The following GADL1 variants were observed in gnomAD, a reference collection of about 807,000 sequenced individuals.
The protein encoded by GADL1 is GAD like acidic amino acid decarboxylase 1, also known as acidic amino acid decarboxylase GADL1.
A neutral mutation model predicts 69.5 loss-of-function variants in GADL1; 71 were observed. The observed-to-expected ratio is 1.02, with a 90% CI of 0.84 to 1.25. The LOEUF is 1.25. GADL1 is among the 50% of genes most tolerant of loss of function. GADL1 has a pLI of 0.00. For missense variants in GADL1, 737 were observed against 631.8 expected, an observed-to-expected ratio of 1.17 and a Z score of -1.79; for synonymous variants, 254 against 214.4, an observed-to-expected ratio of 1.18 and a Z score of -1.62.
chr3:30,795,243 A>G (rs1411294793), intron 12 of GADL1, among the ~76,000 whole-genome samples: 1 of 152,152 alleles, frequency 6.6e-6, no homozygotes. Flanking sequence ...AGTGGGCTTC[A>G]TGGGAAATAT....
chr3:30,886,454 A>G (rs959177252), intron 1 of GADL1, among the ~76,000 whole-genome samples: 1 of 152,156 alleles, frequency 6.6e-6, no homozygotes, highest in South Asian at 2.1e-4. Flanking sequence ...TGCATTATAA[A>G]GAACAAACTA....
chr3:30,815,487 T>G (rs1230982587), intron 11 of GADL1, among the ~76,000 whole-genome samples: 1 of 152,174 alleles, frequency 6.6e-6, no homozygotes, highest in East Asian at 1.9e-4. Context: ...ACCAGATGTA[T>G]TTAGAACAAC....
intron 3 of GADL1, 30 bp from the exon 4 acceptor site, chr3:30,854,819 T>G: frequency 8.3e-7 from 1 of 1,204,088 alleles, no homozygotes; most frequent in East Asian, 2.5e-5. Context: ...TATTCATCTA[T>G]GCAGCAATAA....
chr3:30,752,430 G>A (rs115267675), intron 14 of GADL1, among the ~76,000 whole-genome samples: 361 of 150,078 alleles, frequency 2.4e-3, no homozygotes, highest in African/African-American at 8.9e-3. Flanking sequence ...TAACAATGGA[G>A]TCTGTGCCGC....
chr3:30,752,226 T>C (rs58665788), intron 14 of GADL1, among the ~76,000 whole-genome samples: 14,160 of 152,112 alleles, frequency 0.093, 1,831 homozygotes, highest in African/African-American at 0.29. Context: ...AGCTTTTCCT[T>C]TTAAACTTAA....
At chr3:30,819,595 C>T (rs1033034322) in intron 11 of GADL1, among the ~76,000 whole-genome samples, 5 of 152,148 alleles carry the variant, frequency 3.3e-5, no homozygotes, top group South Asian at 2.1e-4. Flanking sequence ...TGAGCCAAAA[C>T]TGCCCTCAAA....
chr3:30,799,583 TGAG>T (rs1697119138), intron 12 of GADL1: 1 of 152,210 alleles, frequency 6.6e-6, no homozygotes, highest in African/African-American at 2.4e-5. Context: ...CCTATTGTCT[TGAG>T]GATTATCATT....
rs1170062701 is a variant in GADL1, at chr3:30,728,257, C to A, written c.1551G>T (p.Leu517=). ...AAAGCCACAGCTACATGTCTTTACC[C>A]AGTAAGTCTATCTCATCCAGGAGGA... The part of the protein sequence containing the change: ...MDFLLDEIDL[L]GKDM The change falls in exon 15 of 15, where the codon CTG becomes CTT. Residue 517 remains leucine (L), a synonymous_variant. Transcript: ENST00000282538. 1.9e-6 allele frequency: 3 copies of A among 1,613,590 alleles called. No homozygotes were observed. Among genetic ancestry groups the A allele is most frequent in the Non-Finnish European group, 2.5e-6 (3 of 1,179,716 alleles).
chr3:30,890,258 T>C (rs1170689848), intron 1 of GADL1, among the ~76,000 whole-genome samples: 6 of 152,236 alleles, frequency 3.9e-5, no homozygotes, highest in Admixed American at 3.3e-4. Context: ...AAATCATTCA[T>C]GTATGAGTTT....
intron 14 of GADL1, among the ~76,000 whole-genome samples, chr3:30,770,047 C>T (rs1447605720): frequency 8.4e-6 from 1 of 118,382 alleles, no homozygotes; most frequent in Admixed American, 7.8e-5. Flanking sequence ...TAAGACCCGG[C>T]AACCCTGGCC....
chr3:30,738,663 T>A (rs1307521872), intron 14 of GADL1, among the ~76,000 whole-genome samples: 3 of 152,130 alleles, frequency 2.0e-5, no homozygotes, highest in Non-Finnish European at 4.4e-5. Context: ...CTTCTTTAGG[T>A]TCTATGGGCA....
chr3:30,771,037 C>T (rs1437685961), intron 14 of GADL1, among the ~76,000 whole-genome samples: 1 of 152,220 alleles, frequency 6.6e-6, no homozygotes, highest in Non-Finnish European at 1.5e-5. Context: ...TCATCATGAA[C>T]TTCCCGTTAA....
Position 30,850,830 on chromosome 3 carries a change from C to G in GADL1, c.535+5G>C, listed in dbSNP as rs1340142899. On this transcript the variant is annotated splice_donor_5th_base_variant and intron_variant, in intron 5 of 14. Transcript: ENST00000282538. ...AGGTTGATATCAATAACTAATTGTA[C>G]TCACCTGGGTTAAATATTCCATCCC... 1 of 1,503,094 alleles carries G rather than the reference C, an allele frequency of 6.7e-7. No homozygotes were observed. The highest frequency in any genetic ancestry group is 2.0e-5 in the Admixed American group (1 of 50,788). 93.1% of individuals were successfully genotyped at this position (1,503,094 alleles called of 1,614,324 possible).
At chr3:30,888,193 G>A (rs1698734819) in intron 1 of GADL1, among the ~76,000 whole-genome samples, 1 of 152,102 alleles carries the variant, frequency 6.6e-6, no homozygotes, top group African/African-American at 2.4e-5. Flanking sequence ...CTGCAGCTAG[G>A]AAGGGCCAAC....
chr3:30,772,179 T>C (rs187982545), intron 14 of GADL1, among the ~76,000 whole-genome samples: 27 of 152,300 alleles, frequency 1.8e-4, no homozygotes, highest in Non-Finnish European at 2.4e-4. Flanking sequence ...TCAAGTAGAT[T>C]TTAAGATTTA....
chr3:30,884,738 A>G (rs1399509530), intron 1 of GADL1, among the ~76,000 whole-genome samples: 2 of 152,092 alleles, frequency 1.3e-5, no homozygotes, highest in African/African-American at 4.8e-5. Context: ...AATCTTTATT[A>G]AAAATCATAC....
chr3:30,734,735 A>G (rs1254152418), intron 14 of GADL1, among the ~76,000 whole-genome samples: 1 of 152,198 alleles, frequency 6.6e-6, no homozygotes, highest in Admixed American at 6.6e-5. Context: ...ATTTCCAAAT[A>G]TGTCTGAGTA....
chr3:30,763,547 A>T (rs1371447555), intron 14 of GADL1, among the ~76,000 whole-genome samples: 2 of 151,582 alleles, frequency 1.3e-5, no homozygotes, highest in Admixed American at 1.3e-4. Context: ...AGTCAAAACT[A>T]TTACACCTAA....
Position 30,861,793 on chromosome 3 carries a change from G to T in GADL1, c.38-28C>A, listed in dbSNP as rs1317042050. 4.0e-6 allele frequency: 6 copies of T among 1,494,470 alleles called. No homozygotes were observed. The South Asian group carries it at 7.5e-5, about 19-fold the overall frequency. 92.6% of individuals were successfully genotyped at this position (1,494,470 alleles called of 1,614,324 possible). On this transcript the variant is annotated intron_variant, in intron 1 of 14. Coordinates refer to ENST00000282538, the MANE Select transcript of GADL1 (RefSeq NM_207359.3). ...GGAAGCAAGCAAACAAATTGTGTTT[G>T]AGAGATAATCTAATTACACCACATA...
Sources: gnomAD v4.1 joint callset for allele counts (sites outside exome capture counted in the v4.1 genomes callset) on GRCh38, gnomAD v4.1.1 for gene constraint, MANE v1.5 for transcripts, NCBI Gene and HGNC (gene_info 2026-07-23, HGNC 2026-07-21) for gene names.